The following NME9 variants were observed in gnomAD, a reference collection of about 807,000 sequenced individuals.
NME9 encodes the protein thioredoxin domain-containing protein 6.
NME9 carries 48 observed loss-of-function variants against 44.4 expected under a neutral mutation model. The observed-to-expected ratio is 1.08, with a 90% CI of 0.86 to 1.37. NME9 has a LOEUF of 1.37. Ranked by LOEUF, NME9 falls within the 40% of genes most tolerant of loss-of-function variation. The pLI is 0.00. For synonymous variants in NME9, 139 were observed against 147.1 expected (o/e 0.94, Z 0.40); for missense variants, 325 against 405.2 (o/e 0.80, Z 1.70).
intron 8 of NME9, 48 bp from the exon 9 acceptor site, chr3:138,305,075 C>A: frequency 6.4e-7 from 1 of 1,569,300 alleles, no homozygotes; most frequent in South Asian, 1.1e-5. Flanking sequence ...GCTGCTAGGG[C>A]CTGCAGAGGA....
chr3:138,301,094 TAAC>T lies in NME9; in HGVS notation c.*543_*545del, dbSNP rs2051814469. The T allele has an allele frequency of 4.1e-6, 4 of 969,362 alleles. No individual in the cohort carries two copies. Among genetic ancestry groups the T allele is most frequent in the Non-Finnish European group, 1.2e-6 (1 of 815,418 alleles). 60.0% of individuals were successfully genotyped at this position (969,362 alleles called of 1,614,324 possible). A position where few individuals can be genotyped will look rare whatever the true frequency, so the allele number is the denominator to read the frequency against. ...ACTTATATCTCACAACAGGATGTAATAACTGATGTTCAATTATTTTGTAAAATC... is the reference window on the plus strand; with the variant it reads ...ACTTATATCTCACAACAGGATGTAATTGATGTTCAATTATTTTGTAAAATC... On this transcript the variant is annotated 3_prime_UTR_variant, in exon 11 of 11. Transcript: ENST00000333911.
At chr3:138,263,460 A>G (rs983234729) in intron 8 of NME9, 5 of 411,074 alleles carry the variant, frequency 1.2e-5, no homozygotes, top group African/African-American at 8.1e-5. Flanking sequence ...ACACCTCTGC[A>G]GTACTTATAC....
At chr3:138,295,344 A>T (rs992524641) in intron 8 of NME9, among the ~76,000 whole-genome samples, 3 of 152,226 alleles carry the variant, frequency 2.0e-5, no homozygotes, top group African/African-American at 7.2e-5. Context: ...GTTCTGAGGC[A>T]TGTGAAGCAT....
chr3:138,270,763 C>T (rs1171196838), intron 8 of NME9, among the ~76,000 whole-genome samples: 1 of 151,902 alleles, frequency 6.6e-6, no homozygotes, highest in Non-Finnish European at 1.5e-5. Flanking sequence ...TTAACAGTTT[C>T]TAGTAAATAA....
chr3:138,264,317 T>C, intron 8 of NME9: 1 of 811,720 alleles, frequency 1.2e-6, no homozygotes, highest in Non-Finnish European at 2.0e-6. Context: ...GATTTTTGTG[T>C]AGAGCATTTT....
At position 138,329,313 on chromosome 3, in the gene NME9, A is replaced by G. The variant is rs537553961; in HGVS notation, c.23T>C (p.Ile8Thr). 3.1e-5 allele frequency: 48 copies of G among 1,536,064 alleles called. No homozygotes were observed. The highest frequency in any genetic ancestry group is 6.8e-5 in the African/African-American group (5 of 73,160). Residue 8 changes from isoleucine (I) to threonine (T), a missense_variant, in exon 1 of 11, where the codon ATT becomes ACT. Transcript: ENST00000333911. MGSRKKE[I>T]ALQVNISTQE... ...CCCCTTGAGGCTTACCTGCAGGGCA[A>G]TTTCCTTCTTCCTGCTGCCCATGGC...
At chr3:138,261,594 T>C (rs556705354) in exon 9 of NME9, 2 of 152,238 alleles carry the variant, frequency 1.3e-5, no homozygotes, top group South Asian at 4.2e-4. Flanking sequence ...GAGATGGAGA[T>C]GGACAGAGCC....
chr3:138,314,644 C>T (rs2052943077), intron 5 of NME9, among the ~76,000 whole-genome samples: 1 of 152,110 alleles, frequency 6.6e-6, no homozygotes, highest in South Asian at 2.1e-4. Flanking sequence ...TGCCTCTTTT[C>T]ATAAGCATTA....
At chr3:138,270,221 T>C in intron 8 of NME9, 1 of 1,059,078 alleles carries the variant, frequency 9.4e-7, no homozygotes, top group East Asian at 2.6e-5. Flanking sequence ...TTGAAATGTC[T>C]GGAATTTTCT....
At chr3:138,276,644 A>T (rs1213915948) in intron 8 of NME9, among the ~76,000 whole-genome samples, 1 of 152,162 alleles carries the variant, frequency 6.6e-6, no homozygotes, top group Non-Finnish European at 1.5e-5. Flanking sequence ...ACAATTGGAT[A>T]TTGAGATATT....
exon 9 of NME9, chr3:138,262,370 T>C: frequency 1.3e-6 from 1 of 756,604 alleles, no homozygotes; most frequent in East Asian, 2.5e-5. Context: ...CAGATAAAAA[T>C]TACCATTCCT....
intron 4 of NME9, among the ~76,000 whole-genome samples, 175 bp from the exon 5 acceptor site, chr3:138,315,818 G>A (rs1371401196): frequency 6.6e-6 from 1 of 151,940 alleles, no homozygotes; most frequent in Non-Finnish European, 1.5e-5. Flanking sequence ...TCTGCTCCTA[G>A]GTTTTTTGTT....
intron 1 of NME9, among the ~76,000 whole-genome samples, chr3:138,328,223 G>A (rs2053910862): frequency 6.6e-6 from 1 of 152,204 alleles, no homozygotes; most frequent in African/African-American, 2.4e-5. Context: ...TCATTCCATA[G>A]ATGGGCAAGC....
chr3:138,315,759 T>G, intron 4 of NME9, 116 bp from the exon 5 acceptor site: 425 of 662,576 alleles, frequency 6.4e-4, no homozygotes, highest in Non-Finnish European at 8.1e-4. Flanking sequence ...CCCAGGCCTG[T>G]AGCAGCGTGC....
rs1407534764 is a variant in NME9, at chr3:138,314,394, G to A, written c.398C>T (p.Ala133Val). 2 of 1,605,262 alleles carry A rather than the reference G, an allele frequency of 1.2e-6. No homozygotes were observed. Among genetic ancestry groups the A allele is most frequent in the Non-Finnish European group, 1.7e-6 (2 of 1,172,906 alleles). The change falls in exon 6 of 11, where the codon GCT becomes GTT. Residue 133 changes from alanine to valine, a missense_variant. Ala to Val is a moderately conservative substitution (Grantham distance 64, BLOSUM62 0). Transcript: ENST00000333911. ...GRERKVIKDE[A>V]LSDEDECVSH... is the part of the protein sequence containing the mutation. Reference sequence around the variant, plus strand: ...AACACATTCATCTTCATCAGAAAGAGCCTCATCTTTAATCTAGTACAAATT... The same window carrying A: ...AACACATTCATCTTCATCAGAAAGAACCTCATCTTTAATCTAGTACAAATT...
downstream of NME9, chr3:138,297,603 C>T (rs1261399447): frequency 6.6e-6 from 1 of 152,188 alleles, no homozygotes; most frequent in Non-Finnish European, 1.5e-5. Flanking sequence ...TGCAATTTTT[C>T]CTGCTCTCAA....
At position 138,281,247 on chromosome 3, in the gene NME9, G is replaced by C. The variant is rs549254319; in HGVS notation, c.746-18661C>G. ...GTGTGTGTGTGTGTAGTTTTTATCT[G>C]TTCCTTAGCTCACATATTCAATGAG... is the stretch of plus-strand genomic sequence containing the variant. On this transcript the variant is annotated intron_variant, in intron 8 of 8. Transcript: ENST00000317876. Among the ~76,000 whole-genome samples the C allele has an allele frequency of 9.3e-5, 14 of 150,150 alleles. No homozygotes were observed. In the South Asian group the frequency reaches 3.0e-3, roughly 32 times the overall value.
At chr3:138,293,465 G>A (rs1380031620) in intron 8 of NME9, among the ~76,000 whole-genome samples, 15 of 152,236 alleles carry the variant, frequency 9.9e-5, no homozygotes, top group Non-Finnish European at 2.2e-4. Context: ...CTTGAACCCA[G>A]GAGGCAGAGA....
chr3:138,295,614 C>T (rs1560067579), intron 8 of NME9, among the ~76,000 whole-genome samples: 1 of 152,200 alleles, frequency 6.6e-6, no homozygotes, highest in Non-Finnish European at 1.5e-5. Context: ...TGAGCTGCAG[C>T]AGGTTTAAGT....
Sources: gnomAD v4.1 joint callset for allele counts (sites outside exome capture counted in the v4.1 genomes callset) on GRCh38, gnomAD v4.1.1 for gene constraint, MANE v1.5 for transcripts, NCBI Gene and HGNC (gene_info 2026-07-23, HGNC 2026-07-21) for gene names.